HDAC8: variants seen among roughly 807,000 people sequenced by gnomAD.
The protein encoded by HDAC8 is histone deacetylase 8, also known as histone deacetylase-like 1.
Under a neutral mutation model 32.2 loss-of-function variants are expected in HDAC8, and 1 was observed. The ratio of observed to expected loss-of-function variants is 0.03; its 90% CI spans 0.01 to 0.15. The LOEUF (loss-of-function observed/expected upper bound fraction) is 0.15, where lower values mean the gene tolerates loss of function less well. HDAC8 is among the 10% of genes least tolerant of loss of function. HDAC8 has a pLI of 1.00. For synonymous variants in HDAC8, 108 were observed against 113.9 expected, an observed-to-expected ratio of 0.95 and a Z score of 0.33; for missense variants, 117 against 300.0, an observed-to-expected ratio of 0.39 and a Z score of 4.51.
intron 7 of HDAC8, among the ~76,000 whole-genome samples, chrX:72,485,182 C>T (rs1225788295): frequency 1.8e-5 from 2 of 111,434 alleles, no homozygotes; most frequent in African/African-American, 3.3e-5. Flanking sequence ...GTATGCTTAC[C>T]AGAGCAATGT....
chrX:72,439,842 A>C (rs28857171), intron 9 of HDAC8, among the ~76,000 whole-genome samples: 27,072 of 110,295 alleles, frequency 0.25, 6,000 homozygotes, highest in East Asian at 0.74. Flanking sequence ...TAGAGACCTA[A>C]AAAGAGATTT....
Position 72,461,997 on chromosome X carries a change from T to C in HDAC8, c.1005+7A>G. On this transcript the variant is annotated splice_region_variant and intron_variant, in intron 9 of 10. Coordinates refer to ENST00000373573, the MANE Select transcript of HDAC8 (RefSeq NM_018486.3). ...AAGAAGAGAGGACTTGTCAGAGCCT[T>C]ACTTACCTCATGATCTGGGATCTCA... 1 of 1,181,524 alleles carries C rather than the reference T, an allele frequency of 8.5e-7. No homozygotes were observed. Among genetic ancestry groups the C allele is most frequent in the African/African-American group, 1.7e-5 (1 of 57,223 alleles).
intron 4 of HDAC8, among the ~76,000 whole-genome samples, chrX:72,560,256 C>T (rs1203411278): frequency 9.0e-6 from 1 of 111,479 alleles, no homozygotes; most frequent in African/African-American, 3.3e-5. Context: ...TAATCTATAA[C>T]CTTACCCCCA....
intron 10 of HDAC8, among the ~76,000 whole-genome samples, chrX:72,343,024 G>C (rs1408687287): frequency 1.8e-5 from 2 of 111,128 alleles, no homozygotes; most frequent in Non-Finnish European, 3.8e-5. Flanking sequence ...CTCATCCTAA[G>C]TAATATCTTT....
At chrX:72,529,448 G>A (rs1030826351) in intron 4 of HDAC8, among the ~76,000 whole-genome samples, 1 of 111,204 alleles carries the variant, frequency 9.0e-6, no homozygotes, top group Non-Finnish European at 1.9e-5. Context: ...TGGAGGAAGG[G>A]GCTATGAGCA....
At chrX:72,356,572 C>T (rs1471407613) in intron 9 of HDAC8, among the ~76,000 whole-genome samples, 1 of 110,318 alleles carries the variant, frequency 9.1e-6, no homozygotes, top group Non-Finnish European at 1.9e-5. Context: ...GTGGGAGATA[C>T]TGCAAGCTTT....
At chrX:72,484,701 G>A (rs1182793379) in intron 7 of HDAC8, among the ~76,000 whole-genome samples, 1 of 111,785 alleles carries the variant, frequency 8.9e-6, no homozygotes, top group African/African-American at 3.3e-5. Context: ...GAAGTTCAGA[G>A]TGGACAAGTA....
chrX:72,520,714 G>A (rs1323234835), intron 4 of HDAC8, among the ~76,000 whole-genome samples: 7 of 112,067 alleles, frequency 6.2e-5, no homozygotes, highest in Admixed American at 9.4e-5. Flanking sequence ...TTTAATAATT[G>A]TTTAAGATTT....
chrX:72,331,846 G>A (rs1011308055), intron 10 of HDAC8, among the ~76,000 whole-genome samples: 6 of 112,001 alleles, frequency 5.4e-5, no homozygotes, highest in African/African-American at 1.6e-4. Flanking sequence ...GTAGATTCAT[G>A]TAACCTCAAC....
intron 9 of HDAC8, among the ~76,000 whole-genome samples, chrX:72,355,936 G>C (rs1219364858): frequency 8.0e-5 from 9 of 111,947 alleles, no homozygotes; most frequent in Non-Finnish European, 1.5e-4. Flanking sequence ...TTTCATAGGA[G>C]GGATTATTAT....
At chrX:72,364,786 A>G (rs2044650315) in intron 9 of HDAC8, among the ~76,000 whole-genome samples, 1 of 111,927 alleles carries the variant, frequency 8.9e-6, no homozygotes, top group South Asian at 3.8e-4. Flanking sequence ...ATATATGCAT[A>G]TAAGAAGCCT....
chrX:72,462,960 A>G (rs1602968471), intron 8 of HDAC8, among the ~76,000 whole-genome samples: 1 of 111,990 alleles, frequency 8.9e-6, no homozygotes, highest in African/African-American at 3.2e-5. Flanking sequence ...AGAGGGCACT[A>G]TTAATCATTA....
rs2043996197 is a variant in HDAC8 at position 72,345,275 on chromosome X, A to C, written c.1111+6458T>G. Among the ~76,000 whole-genome samples the C allele has an allele frequency of 2.7e-5, 3 of 111,300 alleles. No homozygotes were observed. The South Asian group carries it at 1.2e-3, about 43-fold the overall frequency. The stretch of plus-strand genomic sequence containing the variant: ...GAACCTGAGCAGGGGGAGAGGGTTT[A>C]CTAGGGGAAAGGTTTACTAGCGACT... On this transcript the variant is annotated intron_variant, in intron 10 of 10. Coordinates refer to ENST00000373573, the MANE Select transcript of HDAC8 (RefSeq NM_018486.3).
At chrX:72,544,092 A>G (rs782012713) in intron 4 of HDAC8, among the ~76,000 whole-genome samples, 98 of 112,433 alleles carry the variant, frequency 8.7e-4, no homozygotes, top group South Asian at 7.9e-3. Context: ...GGGTGCGAGT[A>G]TGCCCTGGCT....
intron 10 of HDAC8, among the ~76,000 whole-genome samples, chrX:72,346,019 A>T (rs1244833463): frequency 8.9e-6 from 1 of 111,842 alleles, no homozygotes; most frequent in African/African-American, 3.2e-5. Context: ...CATTTTTGTA[A>T]CTTATTTTTC....
intron 4 of HDAC8, among the ~76,000 whole-genome samples, chrX:72,560,696 C>A (rs1224292697): frequency 9.1e-6 from 1 of 109,622 alleles, no homozygotes; most frequent in African/African-American, 3.3e-5. Flanking sequence ...TTGTAGATGG[C>A]CCTCATCAAT....
intron 10 of HDAC8, among the ~76,000 whole-genome samples, chrX:72,350,650 A>G (rs1161370802): frequency 8.9e-6 from 1 of 112,524 alleles, no homozygotes; most frequent in Non-Finnish European, 1.9e-5. Flanking sequence ...GTATATGTAC[A>G]TTTAATTAAA....
intron 4 of HDAC8, among the ~76,000 whole-genome samples, chrX:72,552,614 C>CA (rs781889791): frequency 2.4e-3 from 208 of 86,510 alleles, no homozygotes; most frequent in African/African-American, 4.5e-3. Context: ...AACTCCGTTT[C>CA]AAAAAAAAAA....
At chrX:72,379,490 G>GTTTTTTTTTTTTTTT (rs1191306787) in intron 9 of HDAC8, among the ~76,000 whole-genome samples, 4 of 38,884 alleles carry the variant, frequency 1.0e-4, no homozygotes, top group East Asian at 8.9e-4. Flanking sequence ...TTTGTTTAGT[G>GTTTTTTTTTTTTTTT]TTTTTTTTTT....
Sources: gnomAD v4.1 joint callset for allele counts (sites outside exome capture counted in the v4.1 genomes callset) on GRCh38, gnomAD v4.1.1 for gene constraint, MANE v1.5 for transcripts, NCBI Gene and HGNC (gene_info 2026-07-23, HGNC 2026-07-21) for gene names.